The following STAT3 variants were observed in gnomAD, a reference collection of about 807,000 sequenced individuals.
STAT3 encodes the protein signal transducer and activator of transcription 3.
Under a neutral mutation model 114.3 loss-of-function variants are expected in STAT3, and 7 were observed. The ratio of observed to expected loss-of-function variants is 0.06; its 90% CI spans 0.03 to 0.11. The LOEUF (loss-of-function observed/expected upper bound fraction) is 0.11. Among genes scored for constraint, STAT3 ranks in the 10% least tolerant of loss-of-function variants. The pLI is 1.00. For missense variants in STAT3, 364 were observed against 960.9 expected, an observed-to-expected ratio of 0.38 and a Z score of 8.21; for synonymous variants, 331 against 354.5, an observed-to-expected ratio of 0.93 and a Z score of 0.74.
rs369596060 is a variant in STAT3, at chr17:42,337,750, C to A, written c.645+13G>T. 6.2e-6 allele frequency: 10 copies of A among 1,614,074 alleles called. No individual in the cohort carries two copies. The African/African-American group carries it at 1.3e-4, about 22-fold the overall frequency. ...GAGACACATGGGGGAAGTGGTCCGA[C>A]CTATGCCCTTACTCTCCGCATCTGG... On this transcript the variant is annotated intron_variant, in intron 7 of 23. Transcript: ENST00000264657. This position sits in a 1 kb window ranked among gnomAD's most constrained non-coding sequence, Gnocchi z 4.0.
intron 4 of STAT3, 48 bp downstream of exon 4, chr17:42,345,511 A>G: frequency 6.0e-6 from 9 of 1,508,898 alleles, no homozygotes; most frequent in Non-Finnish European, 8.1e-6. Flanking sequence ...AAGTTGTTTG[A>G]TTTTCCATTC....
At chr17:42,357,685 A>T (rs1336223145) in intron 1 of STAT3, among the ~76,000 whole-genome samples, 1 of 152,076 alleles carries the variant, frequency 6.6e-6, no homozygotes, top group African/African-American at 2.4e-5. Context: ...AAAATAAATT[A>T]AATAAATAAA....
At position 42,329,692 on chromosome 17, in the gene STAT3, C is replaced by T. The variant is rs199924852; in HGVS notation, c.1140-45G>A. 1,592 of 1,614,020 alleles carry T rather than the reference C, an allele frequency of 9.9e-4. 1 individual carries two copies. Among genetic ancestry groups the T allele is most frequent in the Middle Eastern group, 2.5e-3 (15 of 6,062 alleles). ...TCAACTATGTAGGTGACCAAGTAGC[C>T]GGAGGATGAAGTTAGGTTAAACGGA... On this transcript the variant is annotated intron_variant, in intron 12 of 23. Transcript: ENST00000264657.
At chr17:42,336,770 A>G (rs1442001200) in intron 8 of STAT3, among the ~76,000 whole-genome samples, 1 of 151,792 alleles carries the variant, frequency 6.6e-6, no homozygotes, top group African/African-American at 2.4e-5. Flanking sequence ...CTCTTGATTA[A>G]TTTTCTGTAT....
chr17:42,347,184 C>CAAAAAAA (rs754388828), intron 2 of STAT3, among the ~76,000 whole-genome samples: 17 of 75,520 alleles, frequency 2.3e-4, no homozygotes, highest in African/African-American at 6.4e-4. Context: ...GACTCCATCT[C>CAAAAAAA]AAAAAAAAAA....
chr17:42,349,775 G>A (rs2145029858), intron 1 of STAT3, among the ~76,000 whole-genome samples: 1 of 152,336 alleles, frequency 6.6e-6, no homozygotes, highest in East Asian at 1.9e-4. Flanking sequence ...TCTAAAATTA[G>A]GCCAGGCGCA....
chr17:42,361,250 G>A (rs2083491801), intron 1 of STAT3, among the ~76,000 whole-genome samples: 1 of 152,162 alleles, frequency 6.6e-6, no homozygotes, highest in Non-Finnish European at 1.5e-5. Context: ...GGGGGCCTAG[G>A]TGGGTGGATC....
chr17:42,341,751 T>C (rs1169763391), intron 4 of STAT3, among the ~76,000 whole-genome samples: 7 of 152,034 alleles, frequency 4.6e-5, no homozygotes, highest in Non-Finnish European at 8.8e-5. Context: ...AGAGGGTAAA[T>C]ATTTTTGGTT....
intron 1 of STAT3, among the ~76,000 whole-genome samples, chr17:42,351,841 T>A (rs2082977432): frequency 6.6e-6 from 1 of 152,006 alleles, no homozygotes; most frequent in South Asian, 2.1e-4. Flanking sequence ...TCACTGCAAC[T>A]TCAGTCTCCC....
Position 42,323,668 on chromosome 17 carries a change from G to A in STAT3, c.1601-43C>T, listed in dbSNP as rs1394241466. The stretch of plus-strand genomic sequence containing the variant: ...AGTCAAGTAGTACATTTTCAGCTTG[G>A]GGTCAAGAGGTTATTTCTTAAAACA... On this transcript the variant is annotated intron_variant, in intron 17 of 23. Coordinates refer to ENST00000264657, the MANE Select transcript of STAT3 (RefSeq NM_139276.3). 6 of 1,588,212 alleles carry A rather than the reference G, an allele frequency of 3.8e-6. No individual in the cohort carries two copies. The Admixed American group carries it at 6.7e-5, about 18-fold the overall frequency.
chr17:42,372,217 A>G (rs2084188369), intron 1 of STAT3, among the ~76,000 whole-genome samples: 1 of 152,178 alleles, frequency 6.6e-6, no homozygotes, highest in Admixed American at 6.5e-5. Context: ...ACTCCTTGAT[A>G]TTTATCCAGA....
At chr17:42,349,378 A>G (rs1242137400) in intron 1 of STAT3, among the ~76,000 whole-genome samples, 1 of 152,180 alleles carries the variant, frequency 6.6e-6, no homozygotes, top group Non-Finnish European at 1.5e-5. Context: ...ATGCCCAACA[A>G]ATGTCGGTTC....
chr17:42,383,625 A>AT (rs2084924428), intron 1 of STAT3, among the ~76,000 whole-genome samples: 1 of 152,196 alleles, frequency 6.6e-6, no homozygotes, highest in Admixed American at 6.5e-5. Flanking sequence ...CAAGGTGTCT[A>AT]ACAAAGAGTA....
At chr17:42,322,533 C>T (rs2081525227) in intron 20 of STAT3, 39 bp from the exon 21 acceptor site, 2 of 1,609,414 alleles carry the variant, frequency 1.2e-6, no homozygotes, top group East Asian at 2.2e-5. Flanking sequence ...ATGGAACCTA[C>T]AGCTAGGTCA....
Position 42,376,963 on chromosome 17 carries a change from C to A in STAT3, c.-24+11316G>T, listed in dbSNP as rs2084506557. Reference sequence around the variant, plus strand: ...TTTAAGTGCAATGGGGTAAAACATGCACTCTGTTAACTAAAAAGCCACATT... The same window carrying A: ...TTTAAGTGCAATGGGGTAAAACATGAACTCTGTTAACTAAAAAGCCACATT... On this transcript the variant is annotated intron_variant, in intron 1 of 23. Transcript: ENST00000264657. 3.9e-5 allele frequency among the ~76,000 whole-genome samples: 6 copies of A among 152,292 alleles called. No homozygotes were observed. In the South Asian group the frequency reaches 1.2e-3, roughly 32 times the overall value.
At chr17:42,375,873 C>A (rs948962716) in intron 1 of STAT3, among the ~76,000 whole-genome samples, 2 of 151,464 alleles carry the variant, frequency 1.3e-5, no homozygotes, top group African/African-American at 4.9e-5. Flanking sequence ...AATAATAGAG[C>A]CGGGCGCAAT....
At chr17:42,374,517 G>A (rs2084343933) in intron 1 of STAT3, among the ~76,000 whole-genome samples, 1 of 151,646 alleles carries the variant, frequency 6.6e-6, no homozygotes, top group Non-Finnish European at 1.5e-5. Flanking sequence ...GCCTGAGGCA[G>A]GAGAATCGCT....
chr17:42,318,057 A>G (rs1171098467), intron 21 of STAT3, among the ~76,000 whole-genome samples: 1 of 151,742 alleles, frequency 6.6e-6, no homozygotes, highest in African/African-American at 2.4e-5. Context: ...GGTCAAAACG[A>G]TTCTCCTGCC....
At chr17:42,353,703 G>C (rs1337068866) in intron 1 of STAT3, among the ~76,000 whole-genome samples, 2 of 152,150 alleles carry the variant, frequency 1.3e-5, no homozygotes, top group South Asian at 2.1e-4. Flanking sequence ...GACCTGAGTA[G>C]CTGGGACTAG....
Sources: allele counts gnomAD v4.1 joint callset (sites outside exome capture counted in the v4.1 genomes callset), GRCh38; gene constraint gnomAD v4.1.1; non-coding constraint Gnocchi (gnomAD v3.1); transcripts MANE v1.5; gene names NCBI Gene and HGNC (gene_info 2026-07-23, HGNC 2026-07-21).